Variants in CYB561 observed in about 807,000 individuals in gnomAD.
CYB561 encodes cytochrome b561.
A neutral mutation model predicts 25.3 loss-of-function variants in CYB561; 11 were observed. The ratio of observed to expected loss-of-function variants is 0.44; its 90% CI spans 0.27 to 0.72. The LOEUF (loss-of-function observed/expected upper bound fraction) is 0.72, where lower values mean the gene tolerates loss of function less well. Ranked by LOEUF, CYB561 falls within the 30% of genes least tolerant of loss-of-function variation. The pLI is 0.18. For missense variants in CYB561, 295 were observed against 334.9 expected, an observed-to-expected ratio of 0.88 and a Z score of 0.93; for synonymous variants, 165 against 158.8, an observed-to-expected ratio of 1.04 and a Z score of -0.29.
chr17:63,436,301 G>A lies in CYB561; in HGVS notation c.203-149C>T, dbSNP rs2049299923. ...CTGCAGGAACCGGAGGAGAAAGCCA[G>A]GTTCCCTGGGGACCCTGGGCAGCTC... On this transcript the variant is annotated intron_variant, in intron 2 of 5. Transcript: ENST00000360793. This position sits in a 1 kb window ranked among gnomAD's most constrained non-coding sequence, Gnocchi z 4.8. 2.9e-6 allele frequency: 3 copies of A among 1,036,444 alleles called. No homozygotes were observed. Among genetic ancestry groups the A allele is most frequent in the Non-Finnish European group, 4.1e-6 (3 of 724,210 alleles). The allele number at this position is 1,036,444 out of a possible 1,614,324, so 64.2% of individuals were successfully genotyped here.
rs936903961 is a variant in CYB561, at chr17:63,434,404, A to C, written c.754T>G (p.Ter252GlyextTer44). 1.9e-6 allele frequency: 3 copies of C among 1,559,122 alleles called. No homozygotes were observed. Among genetic ancestry groups the C allele is most frequent in the Non-Finnish European group, 2.6e-6 (3 of 1,149,356 alleles). Residue 252 changes from the stop codon to glycine, a stop_lost, in exon 6 of 6, where the codon TGA (stop) becomes GGA (glycine). Transcript: ENST00000360793. ...ACCCCCAGGGCCGGCCGGGCGCATC[A>C]CTGGGAGCCGGGGCTATCTCCCTCC... The part of the protein sequence containing the change: ...LTEGDSPGSQ[*>G]
chr17:63,435,361 G>T, intron 4 of CYB561, 118 bp from the exon 5 acceptor site: 1 of 1,139,484 alleles, frequency 8.8e-7, no homozygotes, highest in African/African-American at 1.6e-5. Flanking sequence ...AGCCCTGCCT[G>T]GTTTCCTTCC....
intron 1 of CYB561, chr17:63,437,986 C>A: frequency 2.1e-6 from 2 of 945,246 alleles, no homozygotes; most frequent in South Asian, 3.3e-5. Flanking sequence ...CCACCCTCCC[C>A]CGAGGCTCCC....
intron 1 of CYB561, 62 bp from the exon 2 acceptor site, chr17:63,437,622 C>T (rs2147493955): frequency 2.2e-6 from 3 of 1,390,808 alleles, no homozygotes; most frequent in African/African-American, 1.4e-5. Flanking sequence ...GCACAGCCCC[C>T]GCGGATGCAC....
At chr17:63,435,392 G>A (rs2049285556) in intron 4 of CYB561, 149 bp from the exon 5 acceptor site, 1 of 824,406 alleles carries the variant, frequency 1.2e-6, no homozygotes, top group African/African-American at 1.7e-5. Flanking sequence ...AGTGGTGGGA[G>A]GAGCACTAAG....
chr17:63,435,535 C>T, intron 4 of CYB561, 153 bp downstream of exon 4: 1 of 761,052 alleles, frequency 1.3e-6, no homozygotes, highest in Non-Finnish European at 2.2e-6. Flanking sequence ...CCAATCCTAG[C>T]TTTGCACCCG....
chr17:63,434,319 C>G lies in CYB561; in HGVS notation c.*83G>C, dbSNP rs1243198097. ...GCGCCCGCCTGCTGCCAGAGCCACT[C>G]TCCGGAGCCTGCAGTCCTGAAGACG... On this transcript the variant is annotated 3_prime_UTR_variant, in exon 6 of 6. Coordinates refer to ENST00000360793, the MANE Select transcript of CYB561 (RefSeq NM_001915.4). 12 of 1,306,534 alleles carry G rather than the reference C, an allele frequency of 9.2e-6. No homozygotes were observed. The highest frequency in any genetic ancestry group is 1.1e-5 in the Non-Finnish European group (11 of 970,782). The allele number at this position is 1,306,534 out of a possible 1,614,324, so 80.9% of individuals were successfully genotyped here.
At position 63,437,417 on chromosome 17, in the gene CYB561, C is replaced by T. The variant is rs1437737028; in HGVS notation, c.131G>A (p.Trp44Ter). 4.3e-6 allele frequency: 7 copies of T among 1,614,084 alleles called. No individual in the cohort carries two copies. The highest frequency in any genetic ancestry group is 5.9e-6 in the Non-Finnish European group (7 of 1,179,998). The change falls in exon 2 of 6, where the codon TGG becomes TAG. Residue 44 changes from tryptophan to a stop codon, truncating the protein, a stop_gained. Transcript: ENST00000360793. LOFTEE classifies it high-confidence loss of function. The stretch of plus-strand genomic sequence containing the variant: ...CGCGTTGAACTGCAGGTCGCTCTCC[C>T]AGGCAATGCCGCCTCGGTACAGCCC... Reference protein sequence around the residue: ...WLGLYRGGIAWESDLQFNAHP... With the variant: ...WLGLYRGGIA
intron 1 of CYB561, chr17:63,440,932 C>T (rs1285732026): frequency 6.6e-6 from 1 of 152,228 alleles, no homozygotes; most frequent in Non-Finnish European, 1.5e-5. Flanking sequence ...CAGGCAGAAT[C>T]TGATTAGCTA....
In CYB561 at chr17:63,434,154, G is replaced by T; in HGVS notation, c.*248C>A. ...CCGAACACCCGAAGTCCTACCCAAAGCCTTCTGCACTGAAGGGGGCAACAG... is the reference window on the plus strand; with the variant it reads ...CCGAACACCCGAAGTCCTACCCAAATCCTTCTGCACTGAAGGGGGCAACAG... On this transcript the variant is annotated 3_prime_UTR_variant, in exon 6 of 6. Coordinates refer to ENST00000360793, the MANE Select transcript of CYB561 (RefSeq NM_001915.4). The T allele has an allele frequency of 2.1e-6, 1 of 469,600 alleles. No homozygotes were observed. The highest frequency in any genetic ancestry group is 3.8e-6 in the Non-Finnish European group (1 of 262,414). 29.1% of individuals were successfully genotyped at this position (469,600 alleles called of 1,614,324 possible). A position where few individuals can be genotyped will look rare whatever the true frequency, so the allele number is the denominator to read the frequency against.
intron 1 of CYB561, among the ~76,000 whole-genome samples, chr17:63,444,489 T>A (rs2049404941): frequency 1.3e-5 from 2 of 152,112 alleles, no homozygotes; most frequent in South Asian, 4.1e-4. Context: ...CAAAGACCAA[T>A]CTTACAAAAA....
rs558731885 is a variant in CYB561 at position 63,433,053 on chromosome 17, C to CT, written c.*1348dup. On this transcript the variant is annotated 3_prime_UTR_variant, in exon 6 of 6. Transcript: ENST00000360793. The stretch of plus-strand genomic sequence containing the variant: ...ATCCAAGAAGCACATGATCGGTGTT[C>CT]TTTTTTTTTTCTTTTTTGAGCCTGT... The CT allele has an allele frequency of 0.033, 7,118 of 217,274 alleles. 63 individuals are homozygous for CT. The highest frequency in any genetic ancestry group is 0.043 in the Non-Finnish European group (4,824 of 111,902). 13.5% of individuals were successfully genotyped at this position (217,274 alleles called of 1,614,324 possible).
At chr17:63,445,827 G>C (rs916407363) in intron 1 of CYB561, 1 of 152,318 alleles carries the variant, frequency 6.6e-6, no homozygotes, top group African/African-American at 2.4e-5. Flanking sequence ...CGGGGCAAGA[G>C]GCGGTGGCTC....
At chr17:63,439,488 G>A (rs1034946185) in intron 1 of CYB561, among the ~76,000 whole-genome samples, 6 of 151,688 alleles carry the variant, frequency 4.0e-5, no homozygotes, top group Admixed American at 2.0e-4. Context: ...GGCCAAGATC[G>A]CACCACTGCA....
intron 1 of CYB561, among the ~76,000 whole-genome samples, chr17:63,442,492 C>G (rs2049384524): frequency 6.6e-6 from 1 of 152,178 alleles, no homozygotes; most frequent in African/African-American, 2.4e-5. Context: ...CTCTTCCCTC[C>G]TCACTGGGCA....
chr17:63,445,409 A>G (rs1281831889), intron 1 of CYB561, among the ~76,000 whole-genome samples: 1 of 141,130 alleles, frequency 7.1e-6, no homozygotes. Flanking sequence ...ATTAGCTATT[A>G]AACCAAAGGG....
chr17:63,443,726 C>T (rs759424125), intron 1 of CYB561, among the ~76,000 whole-genome samples: 3 of 152,274 alleles, frequency 2.0e-5, no homozygotes, highest in East Asian at 3.9e-4. Flanking sequence ...CTCCTGGGCT[C>T]GAGGGATCCT....
At chr17:63,434,966 G>A (rs2049277713) in intron 5 of CYB561, 120 bp downstream of exon 5, 3 of 1,067,008 alleles carry the variant, frequency 2.8e-6, no homozygotes, top group Non-Finnish European at 4.0e-6. Context: ...CATAACTACA[G>A]CCACCAGTTG....
rs2049295052 is a variant in CYB561, at chr17:63,436,001, C to T, written c.301+53G>A. The T allele has an allele frequency of 2.5e-6, 4 of 1,612,882 alleles. No individual in the cohort carries two copies. The East Asian group carries it at 8.9e-5, about 36-fold the overall frequency. On this transcript the variant is annotated intron_variant, in intron 3 of 5. Coordinates refer to ENST00000360793, the MANE Select transcript of CYB561 (RefSeq NM_001915.4). The surrounding 1 kb of genome is among the most constrained non-coding windows in gnomAD (Gnocchi z 4.8). ...ACAGAGCAGGTGAAGCGGCTGTTTGCCATACCTGAAGAGGCAGGCAGGTGG... is the reference window on the plus strand; with the variant it reads ...ACAGAGCAGGTGAAGCGGCTGTTTGTCATACCTGAAGAGGCAGGCAGGTGG...
Sources: allele counts gnomAD v4.1 joint callset (sites outside exome capture counted in the v4.1 genomes callset), GRCh38; gene constraint gnomAD v4.1.1; non-coding constraint Gnocchi (gnomAD v3.1); transcripts MANE v1.5; gene names NCBI Gene and HGNC (gene_info 2026-07-23, HGNC 2026-07-21).